SDK2: variants seen among roughly 807,000 people sequenced by gnomAD.
SDK2 encodes sidekick cell adhesion molecule 2.
Under a neutral mutation model 253.9 loss-of-function variants are expected in SDK2, and 105 were observed. The ratio of observed to expected loss-of-function variants is 0.41; its 90% CI spans 0.35 to 0.49. The LOEUF is 0.49. Among genes scored for constraint, SDK2 ranks in the 20% least tolerant of loss-of-function variants. The probability of loss-of-function intolerance (pLI) is 0.06; values close to 1 mark genes in which losing one functional copy is unlikely to be tolerated. For missense variants in SDK2, 2,608 were observed against 3,003.0 expected (o/e 0.87, Z 3.07); for synonymous variants, 1,249 against 1,234.9 (o/e 1.01, Z -0.24).
chr17:73,503,673 C>T (rs1054668602), intron 2 of SDK2, among the ~76,000 whole-genome samples: 9 of 152,204 alleles, frequency 5.9e-5, no homozygotes, highest in South Asian at 4.1e-4. Context: ...ATGTTAACAA[C>T]TTTCACCCTT....
At chr17:73,459,391 C>G (rs570455970) in intron 3 of SDK2, among the ~76,000 whole-genome samples, 1 of 152,310 alleles carries the variant, frequency 6.6e-6, no homozygotes, top group East Asian at 1.9e-4. Flanking sequence ...CCCTAGACAA[C>G]CTTTCTTGCC....
rs147835881 is a variant in SDK2, at chr17:73,475,877, C to T, written c.225-3659G>A. Among the ~76,000 whole-genome samples the T allele has an allele frequency of 2.9e-3, 448 of 152,292 alleles. 2 individuals are homozygous for T. The highest frequency in any genetic ancestry group is 0.01 in the African/African-American group (423 of 41,556). On this transcript the variant is annotated intron_variant, in intron 2 of 44. Coordinates refer to ENST00000392650, the MANE Select transcript of SDK2 (RefSeq NM_001144952.2). Reference sequence around the variant, plus strand: ...TAAAAATCCCCGCACTTTGGGAGACCGAGGTGGGCAGATCACTTGAGGTCA... The same window carrying T: ...TAAAAATCCCCGCACTTTGGGAGACTGAGGTGGGCAGATCACTTGAGGTCA...
intron 1 of SDK2, among the ~76,000 whole-genome samples, chr17:73,594,045 T>A (rs2045720607): frequency 6.6e-6 from 1 of 152,168 alleles, no homozygotes; most frequent in Non-Finnish European, 1.5e-5. Context: ...CAGCAATAAA[T>A]ATGTCTGGAA....
At chr17:73,514,229 T>C (rs1203035398) in intron 1 of SDK2, among the ~76,000 whole-genome samples, 3 of 152,180 alleles carry the variant, frequency 2.0e-5, no homozygotes, top group African/African-American at 4.8e-5. Context: ...CCTGAGCTGC[T>C]TAAATGAAGA....
In SDK2 at chr17:73,338,775, C is replaced by T; in HGVS notation, c.6331G>A (p.Asp2111Asn). 6.2e-7 allele frequency: 1 copy of T among 1,613,888 alleles called. No individual in the cohort carries two copies. ...SYTESDSGEP[D>N]HTTVTNSTST... ...GTGCTGTTGGTGACGGTGGTGTGGT[C>T]TGGCTCACCCGAGTCGCTCTCCGTG... The change falls in exon 45 of 45, where the codon GAC becomes AAC. Residue 2111 changes from aspartate (D) to asparagine (N), a missense_variant. Around this residue, in one of 2 missense-constraint regions of SDK2, gnomAD observed 1,103 missense variants for 1,143.9 expected, o/e 0.96. Coordinates refer to ENST00000392650, the MANE Select transcript of SDK2 (RefSeq NM_001144952.2). The surrounding 1 kb of genome is among the most constrained non-coding windows in gnomAD (Gnocchi z 5.0).
In SDK2 at chr17:73,467,755, T is replaced by C. The variant is rs950725959; in HGVS notation, c.331+4357A>G. On this transcript the variant is annotated intron_variant, in intron 3 of 44. Transcript: ENST00000392650. The surrounding 1 kb of genome is among the most constrained non-coding windows in gnomAD (Gnocchi z 4.1). Reference sequence around the variant, plus strand: ...ACTTCCTAGGGCTTTTCTAACTTCCTGGCTTTAGGGCCCAAAGGGCTGTGG... The same window carrying C: ...ACTTCCTAGGGCTTTTCTAACTTCCCGGCTTTAGGGCCCAAAGGGCTGTGG... 6.6e-6 allele frequency among the ~76,000 whole-genome samples: 1 copy of C among 152,174 alleles called. No homozygotes were observed. The highest frequency in any genetic ancestry group is 2.4e-5 in the African/African-American group (1 of 41,434).
chr17:73,581,399 C>T (rs2045532433), intron 1 of SDK2, among the ~76,000 whole-genome samples: 1 of 152,162 alleles, frequency 6.6e-6, no homozygotes, highest in African/African-American at 2.4e-5. Flanking sequence ...TTGGGCCTTC[C>T]ACAGGAAACT....
At chr17:73,483,521 G>A (rs56220163) in intron 2 of SDK2, among the ~76,000 whole-genome samples, 10,510 of 134,394 alleles carry the variant, frequency 0.078, 621 homozygotes, top group African/African-American at 0.12. Context: ...ATGTGTGTGT[G>A]TATATATATA....
chr17:73,548,437 C>A lies in SDK2; in HGVS notation c.65-40840G>T, dbSNP rs182976618. Among the ~76,000 whole-genome samples, 671 of 152,348 alleles carry A rather than the reference C, an allele frequency of 4.4e-3. 4 individuals are homozygous for A. The highest frequency in any genetic ancestry group is 0.015 in the African/African-American group (642 of 41,570). On this transcript the variant is annotated intron_variant, in intron 1 of 44. Transcript: ENST00000392650. Reference sequence around the variant, plus strand: ...CACAGCATCAAACCCTGCTTTCCTGCTGCTCTCTAAGCTCCCCCTGCAGCT... The same window carrying A: ...CACAGCATCAAACCCTGCTTTCCTGATGCTCTCTAAGCTCCCCCTGCAGCT...
rs1197963783 is a variant in SDK2 at position 73,374,239 on chromosome 17, T to A, written c.4980+4938A>T. On this transcript the variant is annotated intron_variant, in intron 36 of 44. Coordinates refer to ENST00000392650, the MANE Select transcript of SDK2 (RefSeq NM_001144952.2). Reference sequence around the variant, plus strand: ...TATGCCGAGGACTCTATAATTCACATCTCTGGTTTGATCCTTCTCTCTTGA... The same window carrying A: ...TATGCCGAGGACTCTATAATTCACAACTCTGGTTTGATCCTTCTCTCTTGA... 3.5e-5 allele frequency among the ~76,000 whole-genome samples: 5 copies of A among 144,738 alleles called. 1 individual carries two copies. The Admixed American group carries it at 3.5e-4, about 10-fold the overall frequency. The allele number at this position is 144,738 out of a possible 152,430, so 95.0% of individuals were successfully genotyped here. A position where few individuals can be genotyped will look rare whatever the true frequency, so the allele number is the denominator to read the frequency against.
At chr17:73,359,058 T>C (rs764517634) in intron 39 of SDK2, among the ~76,000 whole-genome samples, 6 of 152,018 alleles carry the variant, frequency 3.9e-5, no homozygotes, top group Non-Finnish European at 7.4e-5. Flanking sequence ...CCACATGCTG[T>C]CACCTCCAAT....
intron 1 of SDK2, among the ~76,000 whole-genome samples, chr17:73,544,327 T>C (rs574627277): frequency 1.3e-3 from 197 of 152,304 alleles, no homozygotes; most frequent in Non-Finnish European, 2.3e-3. Context: ...TAGTTCCTCC[T>C]CTTCACAGCA....
intron 1 of SDK2, among the ~76,000 whole-genome samples, chr17:73,566,154 C>T (rs1452226795): frequency 6.6e-6 from 1 of 152,128 alleles, no homozygotes; most frequent in African/African-American, 2.4e-5. Context: ...CTGGCACCTC[C>T]TGCCTTCTAA....
chr17:73,505,587 C>T (rs2063928735), intron 2 of SDK2, among the ~76,000 whole-genome samples: 1 of 151,552 alleles, frequency 6.6e-6, no homozygotes, highest in South Asian at 2.1e-4. Context: ...AATAGCTGGA[C>T]CTCATCATCG....
intron 2 of SDK2, among the ~76,000 whole-genome samples, chr17:73,484,896 C>T (rs997452337): frequency 2.4e-4 from 36 of 152,200 alleles, no homozygotes; most frequent in African/African-American, 8.7e-4. Flanking sequence ...TCAAATGATC[C>T]TCTTTCTTTG....
intron 31 of SDK2, 140 bp downstream of exon 31, chr17:73,386,305 C>A (rs1310885187): frequency 4.5e-6 from 3 of 668,224 alleles, no homozygotes; most frequent in Non-Finnish European, 7.8e-6. Flanking sequence ...CTCCCTGAGA[C>A]CCTACCCCGG....
At chr17:73,641,018 G>A (rs1222407649) in intron 1 of SDK2, 1 of 152,262 alleles carries the variant, frequency 6.6e-6, no homozygotes, top group African/African-American at 2.4e-5. Context: ...GTGTCTGGGA[G>A]CGGAGCCCAA....
intron 1 of SDK2, among the ~76,000 whole-genome samples, chr17:73,579,532 C>T (rs1483003052): frequency 6.6e-6 from 1 of 152,178 alleles, no homozygotes; most frequent in African/African-American, 2.4e-5. Flanking sequence ...GGCTGAATTG[C>T]CCTACCCACC....
At position 73,567,532 on chromosome 17, in the gene SDK2, A is replaced by T. The variant is rs76641700; in HGVS notation, c.65-59935T>A. 2.3e-3 allele frequency among the ~76,000 whole-genome samples: 356 copies of T among 152,348 alleles called. 6 individuals carry two copies. In the South Asian group the frequency reaches 0.033, roughly 14 times the overall value. On this transcript the variant is annotated intron_variant, in intron 1 of 44. Transcript: ENST00000392650. The stretch of plus-strand genomic sequence containing the variant: ...ATGGGGCTACCAGCCTCCAGACCTC[A>T]GCGTGGTACAGCCACCAACAGCTTA...
Sources: gnomAD v4.1 joint callset for allele counts (sites outside exome capture counted in the v4.1 genomes callset) on GRCh38, gnomAD v4.1.1 for gene constraint, gnomAD v4.1.1 regional missense constraint, Gnocchi (gnomAD v3.1) non-coding constraint, MANE v1.5 for transcripts, NCBI Gene and HGNC (gene_info 2026-07-23, HGNC 2026-07-21) for gene names.